Variants in ELAC2 observed in about 807,000 individuals in gnomAD.
The protein encoded by ELAC2 is zinc phosphodiesterase ELAC protein 2.
A neutral mutation model predicts 105.2 loss-of-function variants in ELAC2; 92 were observed. The ratio of observed to expected loss-of-function variants is 0.87; its 90% confidence interval spans 0.74 to 1.04. The LOEUF is 1.04. Ranked by LOEUF, ELAC2 falls within the 50% of genes least tolerant of loss-of-function variation. ELAC2 has a pLI of 0.00. For synonymous variants in ELAC2, 468 were observed against 409.1 expected, an observed-to-expected ratio of 1.14 and a Z score of -1.74; for missense variants, 1,099 against 1,071.7, an observed-to-expected ratio of 1.03 and a Z score of -0.36.
At chr17:13,015,483 G>A (rs1394259748) in intron 4 of ELAC2, among the ~76,000 whole-genome samples, 1 of 152,210 alleles carries the variant, frequency 6.6e-6, no homozygotes, top group Admixed American at 6.5e-5. Flanking sequence ...CTAATAAAGT[G>A]ATTTAGTGCT....
At chr17:12,993,897 C>T in intron 22 of ELAC2, 66 bp from the exon 23 acceptor site, 22 of 1,610,634 alleles carry the variant, frequency 1.4e-5, no homozygotes, top group Non-Finnish European at 1.7e-5. Context: ...CAGACAGTGG[C>T]ACAGACCCTG....
At chr17:13,001,517 T>A (rs199659399) in intron 14 of ELAC2, among the ~76,000 whole-genome samples, 8,508 of 148,944 alleles carry the variant, frequency 0.057, 293 homozygotes, top group African/African-American at 0.099. Flanking sequence ...ATAAATAAAA[T>A]AAATAAATTA....
At chr17:13,017,255 G>A (rs1278749305) in intron 1 of ELAC2, 134 bp from the exon 2 acceptor site, 8 of 970,054 alleles carry the variant, frequency 8.2e-6, no homozygotes, top group Non-Finnish European at 1.3e-5. Flanking sequence ...TTGGACTACC[G>A]AGCCACATTT....
rs57024446 is a variant in ELAC2 at position 12,996,942 on chromosome 17, CAA to C, written c.1521-259_1521-258del. ...GTAGACTTACACAAAGGCTGGGCAT[CAA>C]AAAAAAAAAAAAAAAGTTTATAGGA... On this transcript the variant is annotated intron_variant, in intron 16 of 23. Coordinates refer to ENST00000338034, the MANE Select transcript of ELAC2 (RefSeq NM_018127.7). Among the ~76,000 whole-genome samples, 306 of 126,458 alleles carry C rather than the reference CAA, an allele frequency of 2.4e-3. No individual in the cohort carries two copies. Among genetic ancestry groups the C allele is most frequent in the Non-Finnish European group, 2.4e-3 (143 of 58,746 alleles). The allele number at this position is 126,458 out of a possible 152,430, so 83.0% of individuals were successfully genotyped here.
intron 5 of ELAC2, 28 bp downstream of exon 5, chr17:13,014,411 A>G: frequency 6.3e-7 from 1 of 1,574,854 alleles, no homozygotes; most frequent in South Asian, 1.1e-5. Context: ...TAGAAATAGC[A>G]GAGGATGAGT....
chr17:13,005,067 G>C lies in ELAC2; in HGVS notation c.905C>G (p.Pro302Arg), dbSNP rs1458846070. ...LAEELCTPPD[P>R]GAAFVVVECP... ...TTCTACCACCACAAAAGCAGCACCA[G>C]GATCTGGAGGAGTACACAGCTCTTC... Residue 302 changes from proline to arginine, a missense_variant, in exon 11 of 24, where the codon CCT becomes CGT. Transcript: ENST00000338034. 3.7e-6 allele frequency: 6 copies of C among 1,614,046 alleles called. No individual in the cohort carries two copies. In the African/African-American group the frequency reaches 4.0e-5, roughly 11 times the overall value.
At chr17:13,015,066 G>A (rs964718895) in intron 4 of ELAC2, among the ~76,000 whole-genome samples, 1 of 152,226 alleles carries the variant, frequency 6.6e-6, no homozygotes, top group Non-Finnish European at 1.5e-5. Flanking sequence ...AAGGTGTTTT[G>A]ATTGTATTGC....
rs890733831 is a variant in ELAC2, at chr17:12,992,152, T to G, written c.*666A>C. ...TTTGATTGATTGATTGATTGATTGA[T>G]AGAGAAAGCACGCCCTGCTGTGAGC... On this transcript the variant is annotated 3_prime_UTR_variant, in exon 24 of 24. Transcript: ENST00000338034. 2.0e-5 allele frequency among the ~76,000 whole-genome samples: 3 copies of G among 150,962 alleles called. No individual in the cohort carries two copies. Among genetic ancestry groups the G allele is most frequent in the Admixed American group, 6.6e-5 (1 of 15,136 alleles).
chr17:13,011,123 TCAGGA>T (rs1192893146), intron 7 of ELAC2, among the ~76,000 whole-genome samples: 2 of 152,150 alleles, frequency 1.3e-5, no homozygotes, highest in Non-Finnish European at 2.9e-5. Context: ...AGACAAGACC[TCAGGA>T]CAGAAAGAGG....
At position 12,992,127 on chromosome 17, in the gene ELAC2, T is replaced by TTTGATTGATTGA. The variant is rs71144943; in HGVS notation, c.*679_*690dup. Among the ~76,000 whole-genome samples the TTTGATTGATTGA allele has an allele frequency of 6.6e-6, 1 of 150,646 alleles. No homozygotes were observed. The highest frequency in any genetic ancestry group is 2.1e-4 in the South Asian group (1 of 4,738). Reference sequence around the variant, plus strand: ...GCCCAGCCAGGCTCTCACTGATTGATTTGATTGATTGATTGATTGATTGAT... The same window carrying TTTGATTGATTGA: ...GCCCAGCCAGGCTCTCACTGATTGATTTGATTGATTGATTGATTGATTGATTGATTGATTGAT... On this transcript the variant is annotated 3_prime_UTR_variant, in exon 24 of 24. Transcript: ENST00000338034.
intron 6 of ELAC2, among the ~76,000 whole-genome samples, chr17:13,012,029 A>G (rs1003906255): frequency 2.0e-5 from 3 of 152,190 alleles, no homozygotes; most frequent in African/African-American, 7.2e-5. Context: ...CGTGTTATCT[A>G]AACAGCATGT....
At chr17:13,016,817 CAG>C (rs2041756502) in intron 3 of ELAC2, 43 bp downstream of exon 3, 1 of 1,597,452 alleles carries the variant, frequency 6.3e-7, no homozygotes, top group Non-Finnish European at 8.6e-7. Context: ...GTTAAAATCC[CAG>C]AGACTTCCCA....
rs760336276 is a variant in ELAC2, at chr17:13,002,511, T to C, written c.1148A>G (p.His383Arg). ...GAGGTTGAGCTGGGTTTGAATCTTGTGGCTGCGAAGGTTGTGAACTGAGGC... is the reference window on the plus strand; with the variant it reads ...GAGGTTGAGCTGGGTTTGAATCTTGCGGCTGCGAAGGTTGTGAACTGAGGC... ...NCASVHNLRSHKIQTQLNLIH... is the reference protein window; with the variant it reads ...NCASVHNLRSRKIQTQLNLIH... Residue 383 changes from histidine (H) to arginine (R), a missense_variant, in exon 13 of 24, where the codon CAC (histidine) becomes CGC (arginine). Transcript: ENST00000338034. 1 of 1,606,024 alleles carries C rather than the reference T, an allele frequency of 6.2e-7. No homozygotes were observed. The highest frequency in any genetic ancestry group is 1.3e-5 in the African/African-American group (1 of 74,938).
rs778456414 is a variant in ELAC2 at position 13,017,813 on chromosome 17, C to T, written c.135G>A (p.Lys45=). Residue 45 remains lysine (K), a synonymous_variant, in exon 1 of 24, where the codon AAG becomes AAA. Transcript: ENST00000338034. ...CGCCGGAGCACCCCGACGGTCCGCG[C>T]TTCTCTCGCGTGCGCAGGTGCCGCA... The part of the protein sequence containing the change: ...DPLRHLRTRE[K]RGPSGCSGGP... 1.2e-6 allele frequency: 2 copies of T among 1,601,746 alleles called. No individual in the cohort carries two copies. The highest frequency in any genetic ancestry group is 1.7e-6 in the Non-Finnish European group (2 of 1,175,350).
chr17:13,013,708 G>A (rs1359398317), intron 5 of ELAC2, among the ~76,000 whole-genome samples: 1 of 152,150 alleles, frequency 6.6e-6, no homozygotes, highest in East Asian at 1.9e-4. Flanking sequence ...CAGGACAAGA[G>A]CCCTACTAGC....
At chr17:13,012,917 A>G (rs555694118) in intron 6 of ELAC2, among the ~76,000 whole-genome samples, 16 of 152,306 alleles carry the variant, frequency 1.1e-4, no homozygotes, top group African/African-American at 3.9e-4. Context: ...CGCCTGTGGG[A>G]AAAAACCTCC....
intron 8 of ELAC2, among the ~76,000 whole-genome samples, chr17:13,008,328 G>A (rs1034740584): frequency 6.6e-6 from 1 of 151,510 alleles, no homozygotes; most frequent in Non-Finnish European, 1.5e-5. Context: ...TGGCCAACAT[G>A]GTGAAACCCC....
Position 13,017,804 on chromosome 17 carries a change from C to T in ELAC2, c.144G>A (p.Pro48=), listed in dbSNP as rs1231034298. ...RHLRTREKRG[P]SGCSGGPNTV... ...TGTTTGGGCCGCCGGAGCACCCCGACGGTCCGCGCTTCTCTCGCGTGCGCA... is the reference window on the plus strand; with the variant it reads ...TGTTTGGGCCGCCGGAGCACCCCGATGGTCCGCGCTTCTCTCGCGTGCGCA... The change falls in exon 1 of 24, where the codon CCG becomes CCA. Residue 48 remains proline (P), a synonymous_variant. Transcript: ENST00000338034. 5 of 1,604,536 alleles carry T rather than the reference C, an allele frequency of 3.1e-6. No homozygotes were observed. The African/African-American group carries it at 5.3e-5, about 17-fold the overall frequency.
Position 12,994,969 on chromosome 17 carries a change from C to G in ELAC2, c.1902G>C (p.Leu634Phe). ...LISSLLRTCDLEEFQTCLVRH... is the reference protein window; with the variant it reads ...LISSLLRTCDFEEFQTCLVRH... Reference sequence around the variant, plus strand: ...CTGCGGCTGTGCCCCTTACCTCTTCCAAATCACATGTTCGCAACAGCGAAC... The same window carrying G: ...CTGCGGCTGTGCCCCTTACCTCTTCGAAATCACATGTTCGCAACAGCGAAC... The change falls in exon 20 of 24, where the codon TTG (leucine) becomes TTC (phenylalanine). Residue 634 changes from leucine to phenylalanine, a missense_variant. By Grantham distance (22) the Leu-to-Phe change is conservative (BLOSUM62 0). Coordinates refer to ENST00000338034, the MANE Select transcript of ELAC2 (RefSeq NM_018127.7). The G allele has an allele frequency of 6.2e-7, 1 of 1,614,186 alleles. No individual in the cohort carries two copies. The highest frequency in any genetic ancestry group is 8.5e-7 in the Non-Finnish European group (1 of 1,180,044).
Sources: allele counts gnomAD v4.1 joint callset (sites outside exome capture counted in the v4.1 genomes callset), GRCh38; gene constraint gnomAD v4.1.1; transcripts MANE v1.5; gene names NCBI Gene and HGNC (gene_info 2026-07-23, HGNC 2026-07-21).